C4orf50: variants seen among roughly 807,000 people sequenced by gnomAD.
C4orf50 encodes the protein uncharacterized protein C4orf50.
C4orf50 carries 80 observed loss-of-function variants against 77.2 expected under a neutral mutation model. The observed-to-expected ratio is 1.04, with a 90% CI of 0.87 to 1.25. The LOEUF (loss-of-function observed/expected upper bound fraction) is 1.25. Ranked by LOEUF, C4orf50 falls within the 50% of genes most tolerant of loss-of-function variation. The pLI is 0.00. For missense variants in C4orf50, 1,257 were observed against 1,152.9 expected (o/e 1.09, Z -1.31); for synonymous variants, 532 against 465.3 (o/e 1.14, Z -1.84).
chr4:6,004,420 A>T (rs201045146), intron 25 of C4orf50, among the ~76,000 whole-genome samples: 838 of 76,276 alleles, frequency 0.011, 2 homozygotes, highest in East Asian at 0.045. Flanking sequence ...GTTGGTGATG[A>T]TGGTGATGGT....
intron 7 of C4orf50, among the ~76,000 whole-genome samples, chr4:5,921,060 G>T (rs997941349): frequency 6.6e-6 from 1 of 152,228 alleles, no homozygotes; most frequent in Admixed American, 6.5e-5. Context: ...AGTGACCTGA[G>T]ACCTTGATAC....
At chr4:5,989,111 T>C (rs1484024779) in exon 28 of C4orf50, 7 of 1,536,010 alleles carry the variant, frequency 4.6e-6, no homozygotes, top group Non-Finnish European at 6.1e-6. Flanking sequence ...AGCCTGTGGT[T>C]ATCCCGCTCG....
At position 5,999,966 on chromosome 4, in the gene C4orf50, T is replaced by C. The variant is rs192006332; in HGVS notation, c.964-5490A>G. On this transcript the variant is annotated intron_variant, in intron 25 of 33. Coordinates refer to ENST00000531445, the Ensembl canonical transcript of C4orf50. Reference sequence around the variant, plus strand: ...AGCTCAGTGTGACTAAGGTGGCATATGGGGGACTGAGCTTGAAGGAGCAGA... The same window carrying C: ...AGCTCAGTGTGACTAAGGTGGCATACGGGGGACTGAGCTTGAAGGAGCAGA... 2.8e-3 allele frequency among the ~76,000 whole-genome samples: 420 copies of C among 152,098 alleles called. 1 individual carries two copies. The highest frequency in any genetic ancestry group is 5.0e-3 in the Non-Finnish European group (341 of 67,970).
At chr4:5,914,295 C>T (rs1464197032) in intron 7 of C4orf50, among the ~76,000 whole-genome samples, 3 of 146,906 alleles carry the variant, frequency 2.0e-5, no homozygotes, top group Non-Finnish European at 3.0e-5. Flanking sequence ...ACCTCTGCCT[C>T]CCGGGTTCAT....
chr4:5,957,360 G>C (rs948625117), exon 34 of C4orf50: 1 of 152,220 alleles, frequency 6.6e-6, no homozygotes, highest in Admixed American at 6.5e-5. Context: ...GGCTGCACCG[G>C]GTTTCTGTCC....
exon 28 of C4orf50, chr4:5,988,632 T>G (rs916767483): frequency 3.5e-5 from 53 of 1,535,992 alleles, no homozygotes; most frequent in Admixed American, 9.8e-5. Context: ...GTCCTGTGAG[T>G]GGAGTCACCT....
At position 5,958,862 on chromosome 4, in the gene C4orf50, A is replaced by G. The variant is rs888116263; in HGVS notation, c.*513T>C. On this transcript the variant is annotated 3_prime_UTR_variant, in exon 34 of 34. Coordinates refer to ENST00000531445, the Ensembl canonical transcript of C4orf50. This position sits in a 1 kb window ranked among gnomAD's most constrained non-coding sequence, Gnocchi z 5.4. ...AAAAAACAAAACAAAACAATTCTCC[A>G]TGGCTGATCTTGTTGGGAGCTATGA... 6.5e-6 allele frequency: 1 copy of G among 152,842 alleles called. No individual in the cohort carries two copies. Among genetic ancestry groups the G allele is most frequent in the Non-Finnish European group, 1.5e-5 (1 of 68,522 alleles). 9.5% of individuals were successfully genotyped at this position (152,842 alleles called of 1,614,324 possible). A position where few individuals can be genotyped will look rare whatever the true frequency, so the allele number is the denominator to read the frequency against.
chr4:5,997,114 T>C (rs1721626072), intron 25 of C4orf50, among the ~76,000 whole-genome samples: 1 of 151,486 alleles, frequency 6.6e-6, no homozygotes, highest in Non-Finnish European at 1.5e-5. Context: ...GAGAGAGAAG[T>C]CGAAGGAAGA....
intron 25 of C4orf50, among the ~76,000 whole-genome samples, chr4:6,002,619 C>A (rs1184778744): frequency 2.0e-5 from 3 of 152,308 alleles, no homozygotes; most frequent in Non-Finnish European, 2.9e-5. Context: ...CCCTCCTGCC[C>A]ACTCAGACAA....
Position 5,919,264 on chromosome 4 carries a change from G to A in C4orf50, c.*2475-21076C>T, listed in dbSNP as rs200352888. Among the ~76,000 whole-genome samples the A allele has an allele frequency of 1.3e-3, 202 of 152,310 alleles. 1 individual carries two copies. The highest frequency in any genetic ancestry group is 4.6e-3 in the African/African-American group (193 of 41,564). On this transcript the variant is annotated intron_variant, in intron 7 of 7. Transcript: ENST00000324058. This position sits in a 1 kb window ranked among gnomAD's most constrained non-coding sequence, Gnocchi z 6.5. Reference sequence around the variant, plus strand: ...AGTTCAGAGGAGCCCCAGGCTTGAGGGTTGGCAGACCCAATGCCCGATTTC... The same window carrying A: ...AGTTCAGAGGAGCCCCAGGCTTGAGAGTTGGCAGACCCAATGCCCGATTTC...
intron 25 of C4orf50, among the ~76,000 whole-genome samples, chr4:5,998,164 A>C (rs1721677656): frequency 2.0e-5 from 3 of 152,206 alleles, no homozygotes. Flanking sequence ...GATAGCTCAA[A>C]CACCACACGG....
chr4:5,901,876 A>C lies in C4orf50; in HGVS notation c.*2475-3688T>G, dbSNP rs771938779. 1.3e-5 allele frequency: 2 copies of C among 152,354 alleles called. No homozygotes were observed. Among genetic ancestry groups the C allele is most frequent in the Non-Finnish European group, 2.9e-5 (2 of 68,118 alleles). 9.4% of individuals were successfully genotyped at this position (152,354 alleles called of 1,614,324 possible). On this transcript the variant is annotated intron_variant, in intron 7 of 7. Transcript: ENST00000324058. The surrounding 1 kb of genome is among the most constrained non-coding windows in gnomAD (Gnocchi z 4.4). ...AGGTCCAGATATGCAGGAATCACAC[A>C]GACAGCAACAGATGAGCCTTCCAGG...
intron 7 of C4orf50, among the ~76,000 whole-genome samples, chr4:5,930,332 T>C (rs929904334): frequency 3.4e-4 from 52 of 152,214 alleles, no homozygotes; most frequent in African/African-American, 1.3e-3. Flanking sequence ...TCAGGTGCTA[T>C]TTGGTCAGCT....
intron 7 of C4orf50, among the ~76,000 whole-genome samples, chr4:5,924,482 G>C (rs558515774): frequency 3.9e-5 from 6 of 152,314 alleles, no homozygotes; most frequent in East Asian, 3.9e-4. Flanking sequence ...CAGGAGCAGA[G>C]AGCAGGAAAG....
intron 33 of C4orf50, among the ~76,000 whole-genome samples, chr4:5,962,791 G>A (rs1048939371): frequency 2.6e-5 from 4 of 152,152 alleles, no homozygotes; most frequent in African/African-American, 4.8e-5. Context: ...AGCCAATGCC[G>A]GCGCAGTAAG....
At chr4:5,925,881 GA>G (rs1472593395) in intron 7 of C4orf50, among the ~76,000 whole-genome samples, 4 of 152,226 alleles carry the variant, frequency 2.6e-5, no homozygotes, top group Non-Finnish European at 5.9e-5. Flanking sequence ...AAGGACTGGA[GA>G]GGGCTGGGAG....
At chr4:5,977,651 T>A (rs1202933963) in intron 29 of C4orf50, among the ~76,000 whole-genome samples, 2 of 152,242 alleles carry the variant, frequency 1.3e-5, no homozygotes, top group African/African-American at 2.4e-5. Flanking sequence ...AAAGAAGATT[T>A]CAATGCATAT....
At chr4:5,949,155 C>G (rs558623200) in intron 7 of C4orf50, among the ~76,000 whole-genome samples, 13 of 152,254 alleles carry the variant, frequency 8.5e-5, no homozygotes, top group African/African-American at 1.2e-4. Context: ...AGCAGGGACA[C>G]AGCAGCAAGA....
At chr4:5,906,344 G>A (rs780009703) in intron 7 of C4orf50, among the ~76,000 whole-genome samples, 1 of 152,136 alleles carries the variant, frequency 6.6e-6, no homozygotes, top group Non-Finnish European at 1.5e-5. Context: ...TGACATTCGA[G>A]CAGTCTTGGA....
Sources: gnomAD v4.1 joint callset for allele counts (sites outside exome capture counted in the v4.1 genomes callset) on GRCh38, gnomAD v4.1.1 for gene constraint, Gnocchi (gnomAD v3.1) non-coding constraint, MANE v1.5 for transcripts, NCBI Gene and HGNC (gene_info 2026-07-23, HGNC 2026-07-21) for gene names.